The following ARID1B variants were observed in gnomAD, a reference collection of about 807,000 sequenced individuals.
ARID1B encodes the protein AT-rich interactive domain-containing protein 1B.
In ARID1B, 30 loss-of-function variants were observed where a neutral mutation model predicts 212.3. That is an observed-to-expected ratio of 0.14 (90% CI 0.11 to 0.19). The LOEUF is 0.19. ARID1B is among the 10% of genes least tolerant of loss of function. The pLI, the probability that ARID1B is intolerant of heterozygous loss-of-function variation, is 1.00. For missense variants in ARID1B, 2,891 were observed against 3,204.0 expected, an observed-to-expected ratio of 0.90 and a Z score of 2.36; for synonymous variants, 1,402 against 1,301.7, an observed-to-expected ratio of 1.08 and a Z score of -1.66.
At chr6:157,068,132 G>C (rs367710161) in intron 4 of ARID1B, among the ~76,000 whole-genome samples, 94 of 152,284 alleles carry the variant, frequency 6.2e-4, no homozygotes, top group Non-Finnish European at 1.0e-3. Context: ...TCTTTCACTC[G>C]TGTGAATTCC....
At chr6:156,912,442 C>T (rs1433227690) in intron 3 of ARID1B, among the ~76,000 whole-genome samples, 1 of 152,026 alleles carries the variant, frequency 6.6e-6, no homozygotes, top group Non-Finnish European at 1.5e-5. Context: ...ACTTTTGTGC[C>T]CACTCCAGGT....
intron 2 of ARID1B, among the ~76,000 whole-genome samples, chr6:156,883,953 C>A (rs919542691): frequency 6.6e-6 from 1 of 152,066 alleles, no homozygotes; most frequent in Non-Finnish European, 1.5e-5. Flanking sequence ...AATCGCGGGA[C>A]CCTCATTTAT....
Position 157,190,617 on chromosome 6 carries a change from C to T in ARID1B, c.4231+407C>T, listed in dbSNP as rs1313949647. Among the ~76,000 whole-genome samples the T allele has an allele frequency of 6.6e-6, 1 of 152,242 alleles. No individual in the cohort carries two copies. Among genetic ancestry groups the T allele is most frequent in the African/African-American group, 2.4e-5 (1 of 41,466 alleles). On this transcript the variant is annotated intron_variant, in intron 15 of 19. Transcript: ENST00000636930. The surrounding 1 kb of genome is among the most constrained non-coding windows in gnomAD (Gnocchi z 4.6). ...CGGTAAGTAAGCACGCACTTCACGG[C>T]ACTTGGCATGGTGGTGTGCTAGTGT...
chr6:156,811,187 A>T (rs993537195), intron 1 of ARID1B, among the ~76,000 whole-genome samples: 1 of 152,204 alleles, frequency 6.6e-6, no homozygotes, highest in Admixed American at 6.5e-5. Flanking sequence ...TGTCAAGCCC[A>T]TCCAGGCCAC....
chr6:156,974,243 C>G (rs547288748), intron 4 of ARID1B, among the ~76,000 whole-genome samples: 1 of 152,188 alleles, frequency 6.6e-6, no homozygotes, highest in East Asian at 1.9e-4. Flanking sequence ...TTTTAAAACA[C>G]GTAGATTATT....
chr6:156,880,157 C>A (rs543050897), intron 2 of ARID1B, among the ~76,000 whole-genome samples: 19 of 152,002 alleles, frequency 1.2e-4, no homozygotes, highest in Non-Finnish European at 2.4e-4. Flanking sequence ...GAGAGGGAGA[C>A]ATCTTAGTGT....
intron 5 of ARID1B, among the ~76,000 whole-genome samples, chr6:157,092,302 G>A (rs1048056782): frequency 1.3e-5 from 2 of 152,220 alleles, no homozygotes; most frequent in African/African-American, 4.8e-5. Flanking sequence ...GTTATTGGTA[G>A]CGTGATGTAG....
At chr6:156,833,633 C>T (rs150066698) in intron 2 of ARID1B, among the ~76,000 whole-genome samples, 4 of 152,034 alleles carry the variant, frequency 2.6e-5, no homozygotes, top group Admixed American at 2.6e-4. Flanking sequence ...ACATGTATTG[C>T]GAAGAACTTT....
At position 157,095,332 on chromosome 6, in the gene ARID1B, C is replaced by T. The variant is rs577873633; in HGVS notation, c.2491+10427C>T. Among the ~76,000 whole-genome samples the T allele has an allele frequency of 9.2e-5, 14 of 152,298 alleles. No homozygotes were observed. In the East Asian group the frequency reaches 9.6e-4, roughly 10 times the overall value. On this transcript the variant is annotated intron_variant, in intron 5 of 19. Transcript: ENST00000636930. ...AGATGCTGAGCTAATCGGTCTGACA[C>T]GGGGTATTCCGTCAGTACTTTCTTA...
chr6:157,026,306 T>G (rs982079005), intron 4 of ARID1B, among the ~76,000 whole-genome samples: 1 of 152,246 alleles, frequency 6.6e-6, no homozygotes, highest in Non-Finnish European at 1.5e-5. Flanking sequence ...ACAATACTGC[T>G]TTCTGTGGTG....
At chr6:156,827,684 C>T (rs1233249305) in intron 1 of ARID1B, among the ~76,000 whole-genome samples, 6 of 150,144 alleles carry the variant, frequency 4.0e-5, no homozygotes, top group Non-Finnish European at 8.9e-5. Context: ...GCTGTTTCTT[C>T]TGCCCTGTGG....
intron 3 of ARID1B, among the ~76,000 whole-genome samples, chr6:156,930,518 A>G (rs1162951961): frequency 6.6e-6 from 1 of 152,246 alleles, no homozygotes; most frequent in Non-Finnish European, 1.5e-5. Flanking sequence ...GACAATGGAC[A>G]TATACAACCC....
intron 9 of ARID1B, among the ~76,000 whole-genome samples, chr6:157,172,352 T>C (rs1791770057): frequency 6.6e-6 from 1 of 152,240 alleles, no homozygotes; most frequent in Non-Finnish European, 1.5e-5. Flanking sequence ...AATAGATTTT[T>C]CTCTGCAGCT....
chr6:156,809,258 C>G (rs1781396772), intron 1 of ARID1B, among the ~76,000 whole-genome samples: 3 of 152,150 alleles, frequency 2.0e-5, no homozygotes, highest in Admixed American at 2.0e-4. Flanking sequence ...ATTGAGTCTG[C>G]TGGCCTTAGC....
At chr6:157,096,505 G>A (rs995527871) in intron 5 of ARID1B, among the ~76,000 whole-genome samples, 5 of 152,194 alleles carry the variant, frequency 3.3e-5, no homozygotes, top group Admixed American at 6.5e-5. Flanking sequence ...TGTGCTTGCC[G>A]AATATTTAGT....
chr6:157,102,754 G>A (rs564965800), intron 5 of ARID1B, among the ~76,000 whole-genome samples: 40 of 151,754 alleles, frequency 2.6e-4, no homozygotes, highest in Admixed American at 6.6e-4. Flanking sequence ...ACGCCACCAC[G>A]CCTGGCTAAT....
At chr6:156,933,494 CGTG>C (rs1791920922) in intron 3 of ARID1B, among the ~76,000 whole-genome samples, 1 of 152,134 alleles carries the variant, frequency 6.6e-6, no homozygotes, top group Non-Finnish European at 1.5e-5. Flanking sequence ...CTGGAAGAAA[CGTG>C]GTGTTTGAGG....
intron 3 of ARID1B, among the ~76,000 whole-genome samples, chr6:156,926,763 A>G (rs1025205478): frequency 3.9e-5 from 6 of 152,066 alleles, no homozygotes; most frequent in African/African-American, 1.4e-4. Flanking sequence ...GCTCACTGCA[A>G]CTTCGCCTCC....
intron 2 of ARID1B, among the ~76,000 whole-genome samples, chr6:156,848,314 A>G (rs954330000): frequency 2.4e-4 from 36 of 152,220 alleles, no homozygotes; most frequent in African/African-American, 7.7e-4. Flanking sequence ...AAAAACAACA[A>G]CAGCAAACTG....
Sources: gnomAD v4.1 joint callset for allele counts (sites outside exome capture counted in the v4.1 genomes callset) on GRCh38, gnomAD v4.1.1 for gene constraint, Gnocchi (gnomAD v3.1) non-coding constraint, MANE v1.5 for transcripts, NCBI Gene and HGNC (gene_info 2026-07-23, HGNC 2026-07-21) for gene names.